IL13: variants seen among roughly 807,000 people sequenced by gnomAD.
The protein encoded by IL13 is interleukin 13.
In IL13, 9 loss-of-function variants were observed where a neutral mutation model predicts 11.1. The observed-to-expected ratio is 0.81, with a 90% CI of 0.49 to 1.42. The LOEUF (loss-of-function observed/expected upper bound fraction) is 1.42, where lower values mean the gene tolerates loss of function less well. Ranked by LOEUF, IL13 falls within the 40% of genes most tolerant of loss-of-function variation. IL13 has a pLI of 0.00. For synonymous variants in IL13, 75 were observed against 76.9 expected (o/e 0.97, Z 0.13); for missense variants, 181 against 182.5 (o/e 0.99, Z 0.05).
At chr5:132,658,989 C>A (rs1752093616) in intron 1 of IL13, 1 of 217,318 alleles carries the variant, frequency 4.6e-6, no homozygotes, top group Non-Finnish European at 9.5e-6. Context: ...ATGCTCCTAA[C>A]TGCAGTGTTC....
In IL13 at chr5:132,660,528, G is replaced by A. The variant is rs915780937; in HGVS notation, c.*246G>A. 4.1e-6 allele frequency: 2 copies of A among 492,872 alleles called. No individual in the cohort carries two copies. The highest frequency in any genetic ancestry group is 3.5e-5 in the Admixed American group (1 of 28,616). The allele number at this position is 492,872 out of a possible 1,614,324, so 30.5% of individuals were successfully genotyped here. A position where few individuals can be genotyped will look rare whatever the true frequency, so the allele number is the denominator to read the frequency against. On this transcript the variant is annotated 3_prime_UTR_variant, in exon 4 of 4. Transcript: ENST00000304506. ...CAGGGCCCTGAGCTCGGTGGACCCA[G>A]GGATGACATGTCCCTACACCCCTCC...
chr5:132,657,075 G>A (rs915460632), upstream of IL13: 3 of 154,948 alleles, frequency 1.9e-5, no homozygotes, highest in Non-Finnish European at 4.3e-5. Context: ...GGCAAATGCC[G>A]TGGCCTCTGC....
chr5:132,660,623 C>A lies in IL13; in HGVS notation c.*341C>A. 1 of 227,538 alleles carries A rather than the reference C, an allele frequency of 4.4e-6. No individual in the cohort carries two copies. Among genetic ancestry groups the A allele is most frequent in the South Asian group, 8.0e-5 (1 of 12,508 alleles). 14.1% of individuals were successfully genotyped at this position (227,538 alleles called of 1,614,324 possible). On this transcript the variant is annotated 3_prime_UTR_variant, in exon 4 of 4. Transcript: ENST00000304506. ...GCCAGACATGTGGTGGGACAGGGACCCACTTCACACACAGGCAACTGAGGC... is the reference window on the plus strand; with the variant it reads ...GCCAGACATGTGGTGGGACAGGGACACACTTCACACACAGGCAACTGAGGC...
At position 132,658,308 on chromosome 5, in the gene IL13, C is replaced by T. The variant is rs374069088; in HGVS notation, c.122C>T (p.Thr41Ile). ...TCCCCAGGCCCTGTGCCTCCCTCTA[C>T]AGCCCTCAGGGAGCTCATTGAGGAG... The part of the protein sequence containing the change: ...FASPGPVPPS[T>I]ALRELIEELV... Residue 41 changes from threonine (T) to isoleucine (I), a missense_variant, in exon 1 of 4, where the codon ACA becomes ATA. Coordinates refer to ENST00000304506, the MANE Select transcript of IL13 (RefSeq NM_002188.3). The T allele has an allele frequency of 2.3e-5, 37 of 1,610,944 alleles. No homozygotes were observed. The highest frequency in any genetic ancestry group is 2.9e-5 in the Non-Finnish European group (34 of 1,177,216).
upstream of IL13, chr5:132,657,147 T>G (rs1752051217): frequency 1.9e-5 from 3 of 155,350 alleles, no homozygotes; most frequent in Admixed American, 2.0e-4. Flanking sequence ...GCGACATGGC[T>G]GCAGGGGCCA....
In IL13 at chr5:132,659,445, T is replaced by C. The variant is rs143660447; in HGVS notation, c.202T>C (p.Trp68Arg). 2.5e-4 allele frequency: 406 copies of C among 1,612,044 alleles called. No individual in the cohort carries two copies. Among genetic ancestry groups the C allele is most frequent in the Non-Finnish European group, 3.3e-4 (392 of 1,179,034 alleles). ...TCCGCTCTGCAATGGCAGCATGGTA[T>C]GGAGCATCAACCTGACAGCTGGCAT... is the stretch of plus-strand genomic sequence containing the variant. ...KAPLCNGSMV[W>R]SINLTAGMYC... is the part of the protein sequence containing the mutation. Residue 68 changes from tryptophan (W) to arginine (R), a missense_variant, in exon 2 of 4, where the codon TGG (tryptophan) becomes CGG (arginine). Coordinates refer to ENST00000304506, the MANE Select transcript of IL13 (RefSeq NM_002188.3). This position sits in a 1 kb window ranked among gnomAD's most constrained non-coding sequence, Gnocchi z 4.1.
Position 132,659,826 on chromosome 5 carries a change from G to A in IL13, c.331G>A (p.Gly111Arg). The change falls in exon 3 of 4, where the codon GGG becomes AGG. Residue 111 changes from glycine (G) to arginine (R), a missense_variant and splice_region_variant. Gly to Arg is a moderately radical substitution (Grantham distance 125, BLOSUM62 -2). Transcript: ENST00000304506. This position sits in a 1 kb window ranked among gnomAD's most constrained non-coding sequence, Gnocchi z 4.1. ...ATTCTGCCCGCACAAGGTCTCAGCT[G>A]GGGTAAGGCATCCCCCACCCTCTCA... ...SGFCPHKVSA[G>R]QFSSLHVRDT... 6.2e-7 allele frequency: 1 copy of A among 1,613,520 alleles called. No individual in the cohort carries two copies.
At chr5:132,657,814 G>A (rs1384728484), upstream of IL13, among the ~76,000 whole-genome samples, 3 of 152,182 alleles carry the variant, frequency 2.0e-5, no homozygotes, top group African/African-American at 7.2e-5. Flanking sequence ...CACTTCTGGT[G>A]ACCCAAAAGG....
At chr5:132,656,838 T>A (rs1001955051), upstream of IL13, among the ~76,000 whole-genome samples, 1 of 150,684 alleles carries the variant, frequency 6.6e-6, no homozygotes, top group Non-Finnish European at 1.5e-5. Flanking sequence ...ACAGAGAGGG[T>A]GGGAATGACG....
upstream of IL13, chr5:132,658,159 G>C (rs199899897): frequency 5.3e-6 from 8 of 1,499,928 alleles, no homozygotes; most frequent in Non-Finnish European, 7.3e-6. Context: ...GCTGCCACAA[G>C]ACGCCAAGGC....
chr5:132,659,197 T>TTTC lies in IL13; in HGVS notation c.175-219_175-217dup. On this transcript the variant is annotated intron_variant, in intron 1 of 3. Coordinates refer to ENST00000304506, the MANE Select transcript of IL13 (RefSeq NM_002188.3). The surrounding 1 kb of genome is among the most constrained non-coding windows in gnomAD (Gnocchi z 4.1). ...GTCCCTTACTAGTGGTGTCAATTTTTTTCTCTCAGCTCCAAGACCCTAAAC... is the reference window on the plus strand; with the variant it reads ...GTCCCTTACTAGTGGTGTCAATTTTTTTCTTCTCTCAGCTCCAAGACCCTAAAC... 2 of 542,126 alleles carry TTTC rather than the reference T, an allele frequency of 3.7e-6. No homozygotes were observed. The highest frequency in any genetic ancestry group is 6.7e-6 in the Non-Finnish European group (2 of 296,820). The allele number at this position is 542,126 out of a possible 1,614,324, so 33.6% of individuals were successfully genotyped here.
rs928027113 is a variant in IL13 at position 132,659,264 on chromosome 5, C to T, written c.175-154C>T. 4 of 660,182 alleles carry T rather than the reference C, an allele frequency of 6.1e-6. No homozygotes were observed. The highest frequency in any genetic ancestry group is 3.6e-5 in the African/African-American group (2 of 55,710). The allele number at this position is 660,182 out of a possible 1,614,324, so 40.9% of individuals were successfully genotyped here. On this transcript the variant is annotated intron_variant, in intron 1 of 3. Transcript: ENST00000304506. This position sits in a 1 kb window ranked among gnomAD's most constrained non-coding sequence, Gnocchi z 4.1. ...TATGCCTGCTGTTCAAAGCAGAAAA[C>T]GAAGCTCAGGAATGCTGAGGGGCTG...
Sources: allele counts gnomAD v4.1 joint callset (sites outside exome capture counted in the v4.1 genomes callset), GRCh38; gene constraint gnomAD v4.1.1; non-coding constraint Gnocchi (gnomAD v3.1); transcripts MANE v1.5; gene names NCBI Gene and HGNC (gene_info 2026-07-23, HGNC 2026-07-21).